Variants in GNG7 observed in about 807,000 individuals in gnomAD.
GNG7 encodes G protein subunit gamma 7, also known as guanine nucleotide-binding protein G(I)/G(S)/G(O) subunit gamma-7.
Under a neutral mutation model 4.0 loss-of-function variants are expected in GNG7, and 1 was observed. The ratio of observed to expected loss-of-function variants is 0.25; its 90% CI spans 0.09 to 1.18. The LOEUF is 1.18. Ranked by LOEUF, GNG7 falls within the 50% of genes most tolerant of loss-of-function variation. The pLI is 0.50. For missense variants in GNG7, 86 were observed against 91.9 expected (o/e 0.94, Z 0.26); for synonymous variants, 34 against 36.9 (o/e 0.92, Z 0.29).
chr19:2,649,015 A>T (rs189581194), intron 1 of GNG7, among the ~76,000 whole-genome samples: 1 of 151,204 alleles, frequency 6.6e-6, no homozygotes, highest in Non-Finnish European at 1.5e-5. Context: ...CAGCCTCCTG[A>T]GGAGCTGGGC....
At chr19:2,560,587 G>T (rs955015241) in intron 2 of GNG7, among the ~76,000 whole-genome samples, 3 of 147,078 alleles carry the variant, frequency 2.0e-5, no homozygotes, top group African/African-American at 7.5e-5. Flanking sequence ...CGGACGCTGC[G>T]GTGCCCAGGA....
At chr19:2,696,327 AAAGAAAG>A (rs1568287892) in intron 1 of GNG7, among the ~76,000 whole-genome samples, 5 of 147,120 alleles carry the variant, frequency 3.4e-5, no homozygotes, top group African/African-American at 1.3e-4. Flanking sequence ...AGAAAGAAAG[AAAGAAAG>A]AAAGAAAGAA....
At chr19:2,602,901 C>CTTTCTTTCTT (rs1555697041) in intron 2 of GNG7, among the ~76,000 whole-genome samples, 9 of 148,844 alleles carry the variant, frequency 6.0e-5, no homozygotes, top group African/African-American at 1.5e-4. Context: ...TTCTCTTTTT[C>CTTTCTTTCTT]TTTCTTTCTT....
intron 3 of GNG7, among the ~76,000 whole-genome samples, chr19:2,525,093 A>T (rs1484632992): frequency 6.6e-6 from 1 of 152,114 alleles, no homozygotes; most frequent in Admixed American, 6.5e-5. Context: ...AGAACTGGCC[A>T]CGCACTGAGT....
rs1981499917 is a variant in GNG7 at position 2,609,661 on chromosome 19, A to G, written c.-78+36563T>C. Among the ~76,000 whole-genome samples, 1 of 152,132 alleles carries G rather than the reference A, an allele frequency of 6.6e-6. No homozygotes were observed. Among genetic ancestry groups the G allele is most frequent in the African/African-American group, 2.4e-5 (1 of 41,422 alleles). On this transcript the variant is annotated intron_variant, in intron 2 of 4. Coordinates refer to ENST00000382159, the MANE Select transcript of GNG7 (RefSeq NM_052847.3). This position sits in a 1 kb window ranked among gnomAD's most constrained non-coding sequence, Gnocchi z 4.4. ...TCTTGGACTTCCAGCCTCCAGAACCAAGAGAGAGAAGAAATCTCTGTTGCT... is the reference window on the plus strand; with the variant it reads ...TCTTGGACTTCCAGCCTCCAGAACCGAGAGAGAGAAGAAATCTCTGTTGCT...
Position 2,695,829 on chromosome 19 carries a change from C to T in GNG7, c.-135+6817G>A, listed in dbSNP as rs143364143. 3.4e-3 allele frequency among the ~76,000 whole-genome samples: 513 copies of T among 152,188 alleles called. 3 individuals are homozygous for T. The highest frequency in any genetic ancestry group is 5.4e-3 in the Non-Finnish European group (367 of 68,008). ...GTCTCCCGCCAGGGATGATGAGGCT[C>T]TCGGCTCAAGAGGGAGCACTGAGAT... On this transcript the variant is annotated intron_variant, in intron 1 of 4. Coordinates refer to ENST00000382159, the MANE Select transcript of GNG7 (RefSeq NM_052847.3).
At chr19:2,649,610 G>A (rs1982757250) in intron 1 of GNG7, among the ~76,000 whole-genome samples, 1 of 151,996 alleles carries the variant, frequency 6.6e-6, no homozygotes. Flanking sequence ...GGCTGGTCTT[G>A]AGCCCCTGAC....
intron 3 of GNG7, among the ~76,000 whole-genome samples, chr19:2,549,113 T>A (rs967798417): frequency 5.9e-5 from 9 of 152,068 alleles, no homozygotes; most frequent in African/African-American, 2.2e-4. Flanking sequence ...CAGCAAACTG[T>A]CAGGACCCCC....
chr19:2,603,355 G>T (rs183234659), intron 2 of GNG7, among the ~76,000 whole-genome samples: 6 of 152,334 alleles, frequency 3.9e-5, no homozygotes, highest in Non-Finnish European at 1.5e-5. Flanking sequence ...GTGAGCCGCC[G>T]TGCCCGGCCT....
chr19:2,683,750 G>A (rs975988409), intron 1 of GNG7: 1 of 152,478 alleles, frequency 6.6e-6, no homozygotes, highest in Non-Finnish European at 1.5e-5. Flanking sequence ...GAGGAGGGAG[G>A]GAAATTAACT....
chr19:2,646,696 T>A (rs182740351), intron 1 of GNG7, among the ~76,000 whole-genome samples: 11,589 of 141,536 alleles, frequency 0.082, 535 homozygotes, highest in South Asian at 0.25. Flanking sequence ...AAAAAAAAAA[T>A]AATAGAAAAG....
intron 1 of GNG7, among the ~76,000 whole-genome samples, chr19:2,652,218 T>G (rs1342830891): frequency 3.3e-5 from 5 of 151,786 alleles, no homozygotes; most frequent in Non-Finnish European, 7.4e-5. Flanking sequence ...AAATTCCCCC[T>G]TGTAGAACCT....
At chr19:2,538,476 A>T (rs2144744268) in intron 3 of GNG7, 1 of 346,316 alleles carries the variant, frequency 2.9e-6, no homozygotes, top group African/African-American at 2.2e-5. Context: ...AAAAAAAAAA[A>T]AAAAATTAGC....
intron 2 of GNG7, among the ~76,000 whole-genome samples, chr19:2,568,996 TACAC>T (rs1980059468): frequency 6.6e-6 from 1 of 151,570 alleles, no homozygotes; most frequent in Admixed American, 6.6e-5. Context: ...TACACATATT[TACAC>T]ACATATACAC....
chr19:2,661,288 A>AGGAG (rs1568277729), intron 1 of GNG7, among the ~76,000 whole-genome samples: 20 of 47,290 alleles, frequency 4.2e-4, no homozygotes, highest in African/African-American at 2.0e-3. Flanking sequence ...GAAAGAAAGA[A>AGGAG]AGAAAGAAAG....
Position 2,675,394 on chromosome 19 carries a change from G to A in GNG7, c.-135+27252C>T, listed in dbSNP as rs765151301. 5.9e-5 allele frequency among the ~76,000 whole-genome samples: 9 copies of A among 152,278 alleles called. No homozygotes were observed. The East Asian group carries it at 9.6e-4, about 16-fold the overall frequency. ...AAGGGACAGCTTCGTGACCAAGCCC[G>A]GTGTGACCCACCAAAAATCTGCAAC... On this transcript the variant is annotated intron_variant, in intron 1 of 4. Transcript: ENST00000382159.
chr19:2,592,743 G>GGGGAA (rs1414630718), intron 2 of GNG7, among the ~76,000 whole-genome samples: 1 of 134,024 alleles, frequency 7.5e-6, no homozygotes, highest in Non-Finnish European at 1.6e-5. Context: ...AGGGAAGGAA[G>GGGGAA]GGGAGGGGAG....
chr19:2,701,384 C>G (rs1913396943), intron 1 of GNG7: 1 of 151,094 alleles, frequency 6.6e-6, no homozygotes, highest in African/African-American at 2.4e-5. Context: ...CTTACCCCCA[C>G]CTCCCTTCTC....
intron 1 of GNG7, chr19:2,683,659 G>C (rs77625786): frequency 2.0e-5 from 3 of 152,504 alleles, no homozygotes; most frequent in Admixed American, 2.0e-4. Flanking sequence ...AGAAACAGGG[G>C]AGCTGGAGCA....
Sources: allele counts gnomAD v4.1 joint callset (sites outside exome capture counted in the v4.1 genomes callset), GRCh38; gene constraint gnomAD v4.1.1; non-coding constraint Gnocchi (gnomAD v3.1); transcripts MANE v1.5; gene names NCBI Gene and HGNC (gene_info 2026-07-23, HGNC 2026-07-21).